Variants in SPSB4 observed in about 807,000 individuals in gnomAD.
The protein encoded by SPSB4 is splA/ryanodine receptor domain and SOCS box containing 4, also known as SPRY domain-containing SOCS box protein 4.
A neutral mutation model predicts 20.9 loss-of-function variants in SPSB4; 21 were observed. The observed-to-expected ratio is 1.01, with a 90% confidence interval of 0.71 to 1.45. The LOEUF is 1.45. Ranked by LOEUF, SPSB4 falls within the 40% of genes most tolerant of loss-of-function variation. SPSB4 has a pLI of 0.00. For missense variants in SPSB4, 399 were observed against 399.2 expected (o/e 1.00, Z 0.00); for synonymous variants, 207 against 183.8 (o/e 1.13, Z -1.02).
At chr3:141,094,509 G>C (rs751234244) in intron 2 of SPSB4, among the ~76,000 whole-genome samples, 1 of 152,196 alleles carries the variant, frequency 6.6e-6, no homozygotes, top group Non-Finnish European at 1.5e-5. Flanking sequence ...CTTGTGCCCT[G>C]AACTCGGAGA....
At chr3:141,084,698 A>C (rs1309503677) in intron 2 of SPSB4, among the ~76,000 whole-genome samples, 2 of 152,188 alleles carry the variant, frequency 1.3e-5, no homozygotes, top group Non-Finnish European at 2.9e-5. Flanking sequence ...GGACCAATAG[A>C]CCAAGCTGGC....
chr3:141,085,064 T>G (rs1938314783), intron 2 of SPSB4, among the ~76,000 whole-genome samples: 1 of 152,090 alleles, frequency 6.6e-6, no homozygotes, highest in Admixed American at 6.6e-5. Flanking sequence ...GAGCCGAGTC[T>G]TGGAGGATGG....
chr3:141,096,223 G>A (rs1938545535), intron 2 of SPSB4, among the ~76,000 whole-genome samples: 1 of 152,150 alleles, frequency 6.6e-6, no homozygotes, highest in South Asian at 2.1e-4. Context: ...GCCCCAGGGG[G>A]AAACAGCTAA....
chr3:141,076,249 TC>T (rs1559842235), intron 2 of SPSB4, among the ~76,000 whole-genome samples: 1 of 152,168 alleles, frequency 6.6e-6, no homozygotes, highest in Admixed American at 6.5e-5. Context: ...TTGGCCCTGC[TC>T]CCGACAAGGC....
chr3:141,119,459 T>C (rs1938929788), intron 2 of SPSB4, among the ~76,000 whole-genome samples: 1 of 152,202 alleles, frequency 6.6e-6, no homozygotes, highest in Non-Finnish European at 1.5e-5. Flanking sequence ...GATTTCCTCT[T>C]TTCCTAATTG....
chr3:141,052,913 G>T (rs554719695), intron 1 of SPSB4, among the ~76,000 whole-genome samples: 1 of 152,340 alleles, frequency 6.6e-6, no homozygotes, highest in South Asian at 2.1e-4. Flanking sequence ...AGAACCGGGG[G>T]AGTGGCTGCT....
chr3:141,076,177 C>T lies in SPSB4; in HGVS notation c.694+9379C>T, dbSNP rs1938105935. Reference sequence around the variant, plus strand: ...TGATTCCAGCTCAGCCTGGGGTTACCGAGCCTGGCTCTGCCCTCGTCCTTG... The same window carrying T: ...TGATTCCAGCTCAGCCTGGGGTTACTGAGCCTGGCTCTGCCCTCGTCCTTG... On this transcript the variant is annotated intron_variant, in intron 2 of 2. Transcript: ENST00000310546. Among the ~76,000 whole-genome samples, 4 of 152,230 alleles carry T rather than the reference C, an allele frequency of 2.6e-5. No individual in the cohort carries two copies. The South Asian group carries it at 6.2e-4, about 24-fold the overall frequency.
intron 2 of SPSB4, among the ~76,000 whole-genome samples, chr3:141,136,336 T>G (rs538015084): frequency 1.3e-5 from 2 of 152,296 alleles, no homozygotes; most frequent in South Asian, 2.1e-4. Flanking sequence ...AGAAGCTCTT[T>G]AGTTTAATTA....
At chr3:141,070,203 C>T (rs1463205868) in intron 2 of SPSB4, among the ~76,000 whole-genome samples, 1 of 151,778 alleles carries the variant, frequency 6.6e-6, no homozygotes, top group Non-Finnish European at 1.5e-5. Flanking sequence ...GTCCAGGGCA[C>T]AAATAATAAT....
At chr3:141,119,907 T>G (rs1407042627) in intron 2 of SPSB4, among the ~76,000 whole-genome samples, 1 of 152,206 alleles carries the variant, frequency 6.6e-6, no homozygotes, top group Non-Finnish European at 1.5e-5. Context: ...TTTGTGTCTC[T>G]ATCTCCTTCA....
intron 2 of SPSB4, among the ~76,000 whole-genome samples, chr3:141,141,950 T>C (rs1323647655): frequency 1.3e-5 from 2 of 152,222 alleles, no homozygotes; most frequent in Non-Finnish European, 2.9e-5. Context: ...TTCTTGGTTA[T>C]TCTCATTAAT....
intron 1 of SPSB4, among the ~76,000 whole-genome samples, chr3:141,056,903 C>T (rs1012392733): frequency 2.0e-5 from 3 of 152,264 alleles, no homozygotes; most frequent in Non-Finnish European, 4.4e-5. Context: ...GAGCTTGCTG[C>T]CCTGGTCACA....
intron 2 of SPSB4, among the ~76,000 whole-genome samples, chr3:141,071,897 C>T (rs760239621): frequency 2.0e-5 from 3 of 152,200 alleles, no homozygotes; most frequent in Non-Finnish European, 4.4e-5. Context: ...TGGCAGCTAG[C>T]CAAGGCTTCT....
intron 2 of SPSB4, among the ~76,000 whole-genome samples, chr3:141,088,701 C>T (rs1029733385): frequency 6.6e-6 from 1 of 152,240 alleles, no homozygotes; most frequent in South Asian, 2.1e-4. Context: ...GTCCATCCTA[C>T]ATAGATGCTC....
chr3:141,062,040 T>A (rs986935848), intron 1 of SPSB4, among the ~76,000 whole-genome samples: 1 of 152,234 alleles, frequency 6.6e-6, no homozygotes, highest in Non-Finnish European at 1.5e-5. Context: ...CAGCCCCTAA[T>A]ATCCTTTTTC....
chr3:141,095,551 C>T (rs577695023), intron 2 of SPSB4, among the ~76,000 whole-genome samples: 3 of 152,154 alleles, frequency 2.0e-5, no homozygotes, highest in South Asian at 4.2e-4. Flanking sequence ...CTGCCCCAGA[C>T]ATCAGGCAGA....
chr3:141,128,873 T>G (rs2107803860), intron 2 of SPSB4, among the ~76,000 whole-genome samples: 1 of 152,252 alleles, frequency 6.6e-6, no homozygotes, highest in Admixed American at 6.5e-5. Context: ...CACTTCAGGG[T>G]GTCATTCACT....
At chr3:141,072,762 A>C (rs1291527306) in intron 2 of SPSB4, among the ~76,000 whole-genome samples, 3 of 152,216 alleles carry the variant, frequency 2.0e-5, no homozygotes, top group African/African-American at 7.2e-5. Flanking sequence ...AACAGATTTA[A>C]ATACTACCAA....
chr3:141,128,339 T>C (rs1313659420), intron 2 of SPSB4, among the ~76,000 whole-genome samples: 1 of 151,378 alleles, frequency 6.6e-6, no homozygotes, highest in Non-Finnish European at 1.5e-5. Flanking sequence ...CAGGTGTGGG[T>C]GGAGAGGGGC....
Sources: allele counts gnomAD v4.1 joint callset (sites outside exome capture counted in the v4.1 genomes callset), GRCh38; gene constraint gnomAD v4.1.1; transcripts MANE v1.5; gene names NCBI Gene and HGNC (gene_info 2026-07-23, HGNC 2026-07-21).